The following PPFIA1 variants were observed in gnomAD, a reference collection of about 807,000 sequenced individuals.
The protein encoded by PPFIA1 is liprin-alpha-1.
In PPFIA1, 25 loss-of-function variants were observed where a neutral mutation model predicts 149.9. The observed-to-expected ratio is 0.17, with a 90% confidence interval of 0.12 to 0.23. The LOEUF is 0.23. Ranked by LOEUF, PPFIA1 falls within the 10% of genes least tolerant of loss-of-function variation. The pLI, the probability that PPFIA1 is intolerant of heterozygous loss-of-function variation, is 1.00. For missense variants in PPFIA1, 1,362 were observed against 1,506.5 expected (o/e 0.90, Z 1.59); for synonymous variants, 549 against 552.8 (o/e 0.99, Z 0.10).
intron 2 of PPFIA1, among the ~76,000 whole-genome samples, chr11:70,306,556 A>C (rs1018685369): frequency 2.0e-5 from 3 of 152,218 alleles, no homozygotes; most frequent in Non-Finnish European, 2.9e-5. Flanking sequence ...TTACAGTAAA[A>C]TGTTTTGTTG....
Position 70,343,552 on chromosome 11 carries a change from C to A in PPFIA1, c.1708-117C>A, listed in dbSNP as rs140238564. 1.4e-3 allele frequency: 1,192 copies of A among 870,402 alleles called. 6 individuals carry two copies. The highest frequency in any genetic ancestry group is 0.013 in the African/African-American group (771 of 59,880). The allele number at this position is 870,402 out of a possible 1,614,324, so 53.9% of individuals were successfully genotyped here. A position where few individuals can be genotyped will look rare whatever the true frequency, so the allele number is the denominator to read the frequency against. Reference sequence around the variant, plus strand: ...ATGTCAGTACCTTATAAGCATGGCCCATCTTTCTAAAATCTTTTGGGCTTT... The same window carrying A: ...ATGTCAGTACCTTATAAGCATGGCCAATCTTTCTAAAATCTTTTGGGCTTT... On this transcript the variant is annotated intron_variant, in intron 14 of 27. Coordinates refer to ENST00000253925, the MANE Select transcript of PPFIA1 (RefSeq NM_003626.5).
At chr11:70,332,206 G>C in intron 9 of PPFIA1, 112 bp downstream of exon 9, 1 of 1,319,252 alleles carries the variant, frequency 7.6e-7, no homozygotes, top group South Asian at 1.8e-5. Flanking sequence ...CCGTGGAAGA[G>C]CACGGATTTG....
intron 16 of PPFIA1, among the ~76,000 whole-genome samples, chr11:70,350,472 A>G (rs1218107052): frequency 6.6e-6 from 1 of 152,170 alleles, no homozygotes; most frequent in Non-Finnish European, 1.5e-5. Flanking sequence ...TTTTGTTCTT[A>G]TATATTTTCA....
In PPFIA1 at chr11:70,299,545, G is replaced by A. The variant is rs1037862317; in HGVS notation, c.265-24857G>A. Among the ~76,000 whole-genome samples, 3 of 152,076 alleles carry A rather than the reference G, an allele frequency of 2.0e-5. No homozygotes were observed. The East Asian group carries it at 5.8e-4, about 29-fold the overall frequency. ...CTCGGCCCCTCCAGCAGCCTTTATC[G>A]TGGGGTCTTCTTCCCTTCTGGATGC... On this transcript the variant is annotated intron_variant, in intron 2 of 27. Coordinates refer to ENST00000253925, the MANE Select transcript of PPFIA1 (RefSeq NM_003626.5).
At chr11:70,359,225 G>T (rs1355087123) in intron 19 of PPFIA1, among the ~76,000 whole-genome samples, 1 of 152,174 alleles carries the variant, frequency 6.6e-6, no homozygotes, top group Non-Finnish European at 1.5e-5. Context: ...TGTTGACCAG[G>T]CTGGTCTTGA....
intron 2 of PPFIA1, among the ~76,000 whole-genome samples, chr11:70,318,223 C>T (rs2053748728): frequency 6.6e-6 from 1 of 152,236 alleles, no homozygotes; most frequent in Non-Finnish European, 1.5e-5. Context: ...GATGCCATTT[C>T]ATACCTTCTC....
chr11:70,317,844 T>C (rs2053725152), intron 2 of PPFIA1, among the ~76,000 whole-genome samples: 1 of 152,204 alleles, frequency 6.6e-6, no homozygotes, highest in Non-Finnish European at 1.5e-5. Flanking sequence ...CTCCTTGTTA[T>C]GAGGACTTAG....
chr11:70,289,116 C>T (rs182377926), intron 2 of PPFIA1, among the ~76,000 whole-genome samples: 1 of 151,472 alleles, frequency 6.6e-6, no homozygotes, highest in East Asian at 1.9e-4. Flanking sequence ...TACAGGCCCA[C>T]ACCACCATGC....
chr11:70,301,883 C>T (rs1026702005), intron 2 of PPFIA1, among the ~76,000 whole-genome samples: 4 of 152,344 alleles, frequency 2.6e-5, no homozygotes, highest in Admixed American at 2.6e-4. Flanking sequence ...CACGGGACCA[C>T]CGTGCAGTAA....
rs774023781 is a variant in PPFIA1, at chr11:70,378,109, GGTC to G, written c.3465_3467del (p.Ser1156del). Reference sequence around the variant, plus strand: ...AAGGACATTCGTGGCTTAGCTGCTGGGTCAGCAGAGACTCTCCCTGCAAACTTC... The same window carrying G: ...AAGGACATTCGTGGCTTAGCTGCTGGAGCAGAGACTCTCCCTGCAAACTTC... On this transcript the variant is annotated inframe_deletion, in exon 26 of 28. Coordinates refer to ENST00000253925, the MANE Select transcript of PPFIA1 (RefSeq NM_003626.5). 1 of 1,614,078 alleles carries G rather than the reference GGTC, an allele frequency of 6.2e-7. No individual in the cohort carries two copies. Among genetic ancestry groups the G allele is most frequent in the African/African-American group, 1.3e-5 (1 of 75,020 alleles).
rs575715134 is a variant in PPFIA1 at position 70,354,579 on chromosome 11, G to A, written c.2315+127G>A. On this transcript the variant is annotated intron_variant, in intron 17 of 27. Transcript: ENST00000253925. Reference sequence around the variant, plus strand: ...GAATTACCCATTAATTCAGTTGAGTGTATTTACATGTTACACTTAGAATGC... The same window carrying A: ...GAATTACCCATTAATTCAGTTGAGTATATTTACATGTTACACTTAGAATGC... 9.4e-5 allele frequency: 98 copies of A among 1,042,158 alleles called. 1 individual carries two copies. In the South Asian group the frequency reaches 1.5e-3, roughly 16 times the overall value. 64.6% of individuals were successfully genotyped at this position (1,042,158 alleles called of 1,614,324 possible). A position where few individuals can be genotyped will look rare whatever the true frequency, so the allele number is the denominator to read the frequency against.
chr11:70,347,890 C>A (rs1409355012), intron 15 of PPFIA1, among the ~76,000 whole-genome samples: 1 of 152,134 alleles, frequency 6.6e-6, no homozygotes, highest in Non-Finnish European at 1.5e-5. Flanking sequence ...GTAATCCCAG[C>A]TACTCAGGAG....
rs144481205 is a variant in PPFIA1 at position 70,323,119 on chromosome 11, G to A, written c.265-1283G>A. ...AGCTCTCCCTGCTGACTAGCCAGCCGCAGTCCAGGCTGTGCCTCCATTAAA... is the reference window on the plus strand; with the variant it reads ...AGCTCTCCCTGCTGACTAGCCAGCCACAGTCCAGGCTGTGCCTCCATTAAA... On this transcript the variant is annotated intron_variant, in intron 2 of 27. Transcript: ENST00000253925. 3.7e-3 allele frequency among the ~76,000 whole-genome samples: 559 copies of A among 152,300 alleles called. 3 individuals are homozygous for A. The highest frequency in any genetic ancestry group is 0.013 in the African/African-American group (525 of 41,548).
intron 16 of PPFIA1, among the ~76,000 whole-genome samples, chr11:70,349,500 A>T (rs558878828): frequency 6.6e-6 from 1 of 152,192 alleles, no homozygotes; most frequent in Non-Finnish European, 1.5e-5. Context: ...TTGTATATTT[A>T]GAATTTGTCA....
At chr11:70,358,125 T>C (rs1032959202) in intron 19 of PPFIA1, 4 of 152,160 alleles carry the variant, frequency 2.6e-5, no homozygotes, top group Admixed American at 6.6e-5. Flanking sequence ...GTGGGGAAAA[T>C]TTCCAAGTAC....
intron 2 of PPFIA1, among the ~76,000 whole-genome samples, chr11:70,314,647 A>G (rs765113248): frequency 2.0e-5 from 3 of 152,168 alleles, no homozygotes; most frequent in African/African-American, 4.8e-5. Flanking sequence ...GTTTGCTTTT[A>G]ACCAAATAGG....
Position 70,348,198 on chromosome 11 carries a change from G to A in PPFIA1, c.1941G>A (p.Gln647=), listed in dbSNP as rs1285346806. Residue 647 remains glutamine (Q), a synonymous_variant, in exon 16 of 28, where the codon CAG becomes CAA. Transcript: ENST00000253925. ...TTTTGTTTTATTTTAGGTTGATTCA[G>A]GAAGAAAAAGAAAATACAGAGCAGC... ...DAINKEIRLI[Q]EEKENTEQRA... 5.0e-6 allele frequency: 8 copies of A among 1,613,988 alleles called. No individual in the cohort carries two copies. The highest frequency in any genetic ancestry group is 6.8e-6 in the Non-Finnish European group (8 of 1,180,008).
intron 10 of PPFIA1, among the ~76,000 whole-genome samples, chr11:70,334,871 GAGGTGCCACCTGGAC>G (rs1032217121): frequency 3.7e-4 from 57 of 152,324 alleles, no homozygotes; most frequent in African/African-American, 1.3e-3. Context: ...TGAGGGCATG[GAGGTGCCACCTGGAC>G]AGGTGCCACC....
intron 2 of PPFIA1, among the ~76,000 whole-genome samples, chr11:70,316,681 A>G (rs1225517479): frequency 6.6e-6 from 1 of 152,100 alleles, no homozygotes; most frequent in African/African-American, 2.4e-5. Context: ...CCAGGCACCC[A>G]CGTGAGGGTG....
Sources: allele counts gnomAD v4.1 joint callset (sites outside exome capture counted in the v4.1 genomes callset), GRCh38; gene constraint gnomAD v4.1.1; transcripts MANE v1.5; gene names NCBI Gene and HGNC (gene_info 2026-07-23, HGNC 2026-07-21).